KLK13: variants seen among roughly 807,000 people sequenced by gnomAD.
KLK13 encodes kallikrein related peptidase 13.
Under a neutral mutation model 22.4 loss-of-function variants are expected in KLK13, and 19 were observed. The ratio of observed to expected loss-of-function variants is 0.85; its 90% confidence interval spans 0.59 to 1.24. KLK13 has a LOEUF of 1.24. Among genes scored for constraint, KLK13 ranks in the 50% most tolerant of loss-of-function variants. The pLI, the probability that KLK13 is intolerant of heterozygous loss-of-function variation, is 0.00. For synonymous variants in KLK13, 156 were observed against 141.8 expected (o/e 1.10, Z -0.71); for missense variants, 311 against 347.9 (o/e 0.89, Z 0.84).
intron 1 of KLK13, chr19:51,063,440 A>G: frequency 3.1e-6 from 1 of 324,380 alleles, no homozygotes; most frequent in Non-Finnish European, 6.1e-6. Context: ...TGGTTTTCAG[A>G]GCCTCAAGTC....
chr19:51,065,656 A>G (rs994436218), upstream of KLK13, among the ~76,000 whole-genome samples: 6 of 151,640 alleles, frequency 4.0e-5, no homozygotes, highest in Non-Finnish European at 7.4e-5. Flanking sequence ...GGGGCCCACG[A>G]GGAGCGTCAG....
chr19:51,065,097 CG>C, upstream of KLK13: 2 of 347,240 alleles, frequency 5.8e-6, no homozygotes, highest in South Asian at 2.2e-5. Flanking sequence ...GAGGGCAGGG[CG>C]GGCGGGGCCT....
upstream of KLK13, among the ~76,000 whole-genome samples, chr19:51,065,527 C>T (rs2091774705): frequency 6.6e-6 from 1 of 152,128 alleles, no homozygotes; most frequent in African/African-American, 2.4e-5. Context: ...TAGCTTCACT[C>T]TCCCTCTCCC....
intron 1 of KLK13, among the ~76,000 whole-genome samples, chr19:51,063,189 AGTT>A (rs2091746141): frequency 6.6e-6 from 1 of 152,168 alleles, no homozygotes; most frequent in East Asian, 1.9e-4. Flanking sequence ...CATCTGCAAA[AGTT>A]GTTTTAGGAA....
In KLK13 at chr19:51,060,545, A is replaced by G. The variant is rs1463410225; in HGVS notation, c.127T>C (p.Phe43Leu). The change falls in exon 2 of 5, where the codon TTC (phenylalanine) becomes CTC (leucine). Residue 43 changes from phenylalanine (F) to leucine (L), a missense_variant. Coordinates refer to ENST00000595793, the MANE Select transcript of KLK13 (RefSeq NM_015596.3). ...GCCTGCCAGGGCTGAGAGTGGGGGA[A>G]GCAGGTGTAGCCACCTGGGAGAAAC... ...SGFLPGGYTCFPHSQPWQAAL... is the reference protein window; with the variant it reads ...SGFLPGGYTCLPHSQPWQAAL... 6.2e-7 allele frequency: 1 copy of G among 1,613,934 alleles called. No homozygotes were observed. Among genetic ancestry groups the G allele is most frequent in the East Asian group, 2.2e-5 (1 of 44,870 alleles).
intron 1 of KLK13, chr19:51,064,628 G>T: frequency 1.8e-6 from 1 of 543,020 alleles, no homozygotes; most frequent in East Asian, 4.8e-5. Flanking sequence ...GACCTTCTCT[G>T]GTAAGCACTT....
intron 1 of KLK13, among the ~76,000 whole-genome samples, chr19:51,062,698 C>G (rs116886374): frequency 0.011 from 1,638 of 151,032 alleles, 12 homozygotes; most frequent in Non-Finnish European, 0.019. Context: ...CCTCAGTTTC[C>G]CCAGCTGTCA....
intron 1 of KLK13, 109 bp downstream of exon 1, chr19:51,064,907 G>C (rs2091767149): frequency 2.3e-6 from 2 of 881,112 alleles, no homozygotes; most frequent in Non-Finnish European, 3.4e-6. Flanking sequence ...CCGGCCCCGA[G>C]TGGGCGGGGG....
chr19:51,059,037 A>G (rs576150596), intron 3 of KLK13, among the ~76,000 whole-genome samples: 1 of 152,238 alleles, frequency 6.6e-6, no homozygotes, highest in African/African-American at 2.4e-5. Context: ...TGGGAAAAGC[A>G]GGAACAGGGA....
chr19:51,060,421 GC>G lies in KLK13; in HGVS notation c.239+11del. The G allele has an allele frequency of 6.4e-7, 1 of 1,561,714 alleles. No homozygotes were observed. The highest frequency in any genetic ancestry group is 8.7e-7 in the Non-Finnish European group (1 of 1,151,098). On this transcript the variant is annotated intron_variant, in intron 2 of 4. Coordinates refer to ENST00000595793, the MANE Select transcript of KLK13 (RefSeq NM_015596.3). ...CTCATCCCTACCCCATGCTCCCCCG[GC>G]CCCCACATACTCCTTTAGACAGTGT... is the stretch of plus-strand genomic sequence containing the variant.
chr19:51,061,970 TA>T (rs2091735228), intron 1 of KLK13, among the ~76,000 whole-genome samples: 1 of 152,188 alleles, frequency 6.6e-6, no homozygotes, highest in Non-Finnish European at 1.5e-5. Flanking sequence ...GCCCCCATAC[TA>T]GACATTTTAT....
rs372812150 is a variant in KLK13, at chr19:51,056,826, A to G, written c.646-51T>C. On this transcript the variant is annotated intron_variant, in intron 4 of 4. Coordinates refer to ENST00000595793, the MANE Select transcript of KLK13 (RefSeq NM_015596.3). ...AGAGGTGGGTCCTTGCTGGGGCTAA[A>G]CAAGGCAGGGACAGGGAGGTGTGGG... is the stretch of plus-strand genomic sequence containing the variant. 1.7e-5 allele frequency: 25 copies of G among 1,436,636 alleles called. No homozygotes were observed. In the African/African-American group the frequency reaches 3.5e-4, roughly 20 times the overall value. 89.0% of individuals were successfully genotyped at this position (1,436,636 alleles called of 1,614,324 possible). A position where few individuals can be genotyped will look rare whatever the true frequency, so the allele number is the denominator to read the frequency against.
rs927341024 is a variant in KLK13, at chr19:51,056,409, C to A, written c.*178G>T. The stretch of plus-strand genomic sequence containing the variant: ...CAGGGATGCAACATCTGGGAGACTG[C>A]AAGCCTGGCAGTGCCTGAATGCTTC... On this transcript the variant is annotated 3_prime_UTR_variant, in exon 5 of 5. Transcript: ENST00000595793. The A allele has an allele frequency of 5.0e-5, 34 of 678,684 alleles. No individual in the cohort carries two copies. In the African/African-American group the frequency reaches 5.2e-4, roughly 10 times the overall value. 42.0% of individuals were successfully genotyped at this position (678,684 alleles called of 1,614,324 possible).
Position 51,056,286 on chromosome 19 carries a change from C to T in KLK13, c.*301G>A, listed in dbSNP as rs1449133720. 4 of 354,254 alleles carry T rather than the reference C, an allele frequency of 1.1e-5. No individual in the cohort carries two copies. The highest frequency in any genetic ancestry group is 1.6e-5 in the Non-Finnish European group (3 of 193,348). The allele number at this position is 354,254 out of a possible 1,614,324, so 21.9% of individuals were successfully genotyped here. On this transcript the variant is annotated 3_prime_UTR_variant, in exon 5 of 5. Transcript: ENST00000595793. ...ATTTAAGAATGTGCCACAGACAGAA[C>T]GTTCAGGTGGTGATCTGGGCTCATA...
chr19:51,058,756 T>G, intron 3 of KLK13, 82 bp from the exon 4 acceptor site: 1 of 1,348,468 alleles, frequency 7.4e-7, no homozygotes. Flanking sequence ...GTTGAATGGG[T>G]AAAGAGTAGA....
In KLK13 at chr19:51,065,062, C is replaced by T. The variant is rs756714054; in HGVS notation, c.6G>A (p.Trp2Ter). M[W>*]PLALVIASLT... ...GGGAGGCGATCACTAGGGCCAGGGGCCACATGGCTCCGGGATCGGGAGGGG... is the reference window on the plus strand; with the variant it reads ...GGGAGGCGATCACTAGGGCCAGGGGTCACATGGCTCCGGGATCGGGAGGGG... Residue 2 changes from tryptophan (W) to a stop codon, truncating the protein, a stop_gained, in exon 1 of 5, where the codon TGG (tryptophan) becomes TGA (stop). Transcript: ENST00000595793. LOFTEE classifies it high-confidence loss of function. 6.5e-7 allele frequency: 1 copy of T among 1,537,366 alleles called. No homozygotes were observed. The highest frequency in any genetic ancestry group is 8.8e-7 in the Non-Finnish European group (1 of 1,137,430).
rs947922796 is a variant in KLK13, at chr19:51,056,885, A to G, written c.646-110T>C. The G allele has an allele frequency of 6.4e-6, 5 of 775,296 alleles. No individual in the cohort carries two copies. The African/African-American group carries it at 6.9e-5, about 11-fold the overall frequency. 48.0% of individuals were successfully genotyped at this position (775,296 alleles called of 1,614,324 possible). ...GAAAGATGGAGAGAGACACACACAG[A>G]GAAGGAGACTCAGAGAGGCAGAGTC... On this transcript the variant is annotated intron_variant, in intron 4 of 4. Transcript: ENST00000595793.
At chr19:51,059,396 C>A in intron 3 of KLK13, among the ~76,000 whole-genome samples, 1 of 144,770 alleles carries the variant, frequency 6.9e-6, no homozygotes, top group Non-Finnish European at 1.5e-5. Context: ...TAAATGTATA[C>A]ATTTATAAAA....
intron 1 of KLK13, chr19:51,064,578 C>G (rs1011147631): frequency 2.0e-6 from 1 of 504,586 alleles, no homozygotes; most frequent in East Asian, 5.6e-5. Flanking sequence ...CTGCGACATA[C>G]TGAAGGCTCG....
Sources: allele counts gnomAD v4.1 joint callset (sites outside exome capture counted in the v4.1 genomes callset), GRCh38; gene constraint gnomAD v4.1.1; transcripts MANE v1.5; gene names NCBI Gene and HGNC (gene_info 2026-07-23, HGNC 2026-07-21).